The following PTPRD variants were observed in gnomAD, a reference collection of about 807,000 sequenced individuals.
PTPRD encodes the protein receptor-type tyrosine-protein phosphatase delta.
A neutral mutation model predicts 214.5 loss-of-function variants in PTPRD; 34 were observed. The ratio of observed to expected loss-of-function variants is 0.16; its 90% confidence interval spans 0.12 to 0.21. PTPRD has a LOEUF of 0.21. Among genes scored for constraint, PTPRD ranks in the 10% least tolerant of loss-of-function variants. The pLI, the probability that PTPRD is intolerant of heterozygous loss-of-function variation, is 1.00. For synonymous variants in PTPRD, 1,128 were observed against 845.7 expected (o/e 1.33, Z -5.79); for missense variants, 2,545 against 2,398.7 (o/e 1.06, Z -1.27).
chr9:10,254,861 C>T (rs1564815351), intron 3 of PTPRD, among the ~76,000 whole-genome samples: 1 of 152,114 alleles, frequency 6.6e-6, no homozygotes. Flanking sequence ...TGATAAGCAG[C>T]AATAATTGCA....
At chr9:8,500,042 G>A (rs774935081) in intron 24 of PTPRD, among the ~76,000 whole-genome samples, 3 of 77,028 alleles carry the variant, frequency 3.9e-5, no homozygotes, top group African/African-American at 1.6e-4. Flanking sequence ...CAAAAAACAT[G>A]ACCGATGCAA....
chr9:8,673,551 G>T (rs1001692755), intron 12 of PTPRD, among the ~76,000 whole-genome samples: 11 of 152,130 alleles, frequency 7.2e-5, no homozygotes, highest in African/African-American at 2.7e-4. Flanking sequence ...AGACAGCTGG[G>T]TAATGGTTAC....
At chr9:8,917,702 A>T (rs1218345332) in intron 11 of PTPRD, among the ~76,000 whole-genome samples, 2 of 152,182 alleles carry the variant, frequency 1.3e-5, no homozygotes, top group Admixed American at 1.3e-4. Flanking sequence ...ATATAAACAA[A>T]CAATCCTAGC....
intron 3 of PTPRD, among the ~76,000 whole-genome samples, chr9:10,135,634 C>A (rs557874286): frequency 5.3e-5 from 8 of 151,940 alleles, no homozygotes; most frequent in Non-Finnish European, 1.2e-4. Context: ...AGACTAAGTT[C>A]CACAAGTGAA....
At chr9:8,899,426 G>T (rs1056235821) in intron 11 of PTPRD, among the ~76,000 whole-genome samples, 1 of 152,138 alleles carries the variant, frequency 6.6e-6, no homozygotes, top group East Asian at 1.9e-4. Context: ...CATTTTTGTT[G>T]TTCAACTAGA....
chr9:10,195,433 T>C (rs2099394125), intron 3 of PTPRD, among the ~76,000 whole-genome samples: 1 of 152,146 alleles, frequency 6.6e-6, no homozygotes, highest in Non-Finnish European at 1.5e-5. Flanking sequence ...TGCTGTTACC[T>C]GTCCATGTGA....
At chr9:8,496,021 T>G (rs1382927896) in intron 26 of PTPRD, among the ~76,000 whole-genome samples, 1 of 152,218 alleles carries the variant, frequency 6.6e-6, no homozygotes, top group African/African-American at 2.4e-5. Context: ...TTAGCTCTAT[T>G]TACCACTGAG....
chr9:10,045,813 A>G (rs1289115957), intron 3 of PTPRD, among the ~76,000 whole-genome samples: 2 of 151,778 alleles, frequency 1.3e-5, no homozygotes, highest in African/African-American at 4.8e-5. Flanking sequence ...CTGTTGTATC[A>G]GAAACATTTA....
intron 7 of PTPRD, among the ~76,000 whole-genome samples, chr9:9,689,424 T>A (rs2097223181): frequency 6.6e-6 from 1 of 151,948 alleles, no homozygotes; most frequent in Non-Finnish European, 1.5e-5. Flanking sequence ...TATGTAACTT[T>A]TGATGCATTT....
chr9:8,968,456 G>A (rs908563528), intron 11 of PTPRD, among the ~76,000 whole-genome samples: 4 of 151,772 alleles, frequency 2.6e-5, no homozygotes, highest in Non-Finnish European at 5.9e-5. Context: ...TCTAACTGGT[G>A]TGAGATGGTA....
At chr9:9,155,094 A>G (rs982617800) in intron 10 of PTPRD, among the ~76,000 whole-genome samples, 2 of 152,186 alleles carry the variant, frequency 1.3e-5, no homozygotes, top group Non-Finnish European at 2.9e-5. Flanking sequence ...CAGAAGCAAT[A>G]TCAGTTTCTT....
intron 4 of PTPRD, among the ~76,000 whole-genome samples, chr9:9,966,781 A>G (rs1377222832): frequency 1.3e-5 from 2 of 152,148 alleles, no homozygotes; most frequent in African/African-American, 4.8e-5. Flanking sequence ...GATTAACTTA[A>G]AAATACAAAA....
In PTPRD at chr9:9,789,013, T is replaced by C. The variant is rs186372665; in HGVS notation, c.-367-22162A>G. Among the ~76,000 whole-genome samples, 204 of 152,322 alleles carry C rather than the reference T, an allele frequency of 1.3e-3. 1 individual carries two copies. Among genetic ancestry groups the C allele is most frequent in the Non-Finnish European group, 7.3e-4 (50 of 68,028 alleles). ...CCTTCATTAAGTTTATGTCTATATT[T>C]CATCACCTATCAGCCTACCTGACAC... On this transcript the variant is annotated intron_variant, in intron 5 of 45. Coordinates refer to ENST00000381196, the MANE Select transcript of PTPRD (RefSeq NM_002839.4).
intron 2 of PTPRD, among the ~76,000 whole-genome samples, chr9:10,364,938 G>C (rs2097485655): frequency 6.6e-6 from 1 of 152,138 alleles, no homozygotes; most frequent in African/African-American, 2.4e-5. Context: ...CTCCTACAAA[G>C]ATGTTCTTTG....
chr9:8,852,479 A>G (rs1191605736), intron 11 of PTPRD, among the ~76,000 whole-genome samples: 2 of 152,228 alleles, frequency 1.3e-5, no homozygotes, highest in Non-Finnish European at 2.9e-5. Context: ...TGGCTCTTAC[A>G]TTTTGTTGTA....
intron 8 of PTPRD, among the ~76,000 whole-genome samples, chr9:9,433,807 G>C (rs2084144024): frequency 1.3e-5 from 2 of 152,138 alleles, no homozygotes; most frequent in African/African-American, 2.4e-5. Context: ...ACAGCATTAA[G>C]TCACCAAATT....
intron 2 of PTPRD, among the ~76,000 whole-genome samples, chr9:10,444,359 A>C (rs934647988): frequency 6.6e-6 from 1 of 151,884 alleles, no homozygotes; most frequent in Non-Finnish European, 1.5e-5. Flanking sequence ...TGAAAAATGC[A>C]TAGCTCCATA....
At chr9:9,934,234 A>G (rs1347197631) in intron 5 of PTPRD, among the ~76,000 whole-genome samples, 1 of 149,318 alleles carries the variant, frequency 6.7e-6, no homozygotes, top group African/African-American at 2.6e-5. Flanking sequence ...AGATCAGAGC[A>G]GAACTGAAGG....
chr9:9,654,580 T>C (rs2096461478), intron 7 of PTPRD, among the ~76,000 whole-genome samples: 2 of 152,140 alleles, frequency 1.3e-5, no homozygotes, highest in South Asian at 4.1e-4. Flanking sequence ...ACAAATCAAT[T>C]ACGTAAAACA....
Sources: gnomAD v4.1 joint callset for allele counts (sites outside exome capture counted in the v4.1 genomes callset) on GRCh38, gnomAD v4.1.1 for gene constraint, MANE v1.5 for transcripts, NCBI Gene and HGNC (gene_info 2026-07-23, HGNC 2026-07-21) for gene names.